Variants in GNAQ observed in about 807,000 individuals in gnomAD.
The protein encoded by GNAQ is G protein subunit alpha q.
Under a neutral mutation model 43.9 loss-of-function variants are expected in GNAQ, and 8 were observed. The observed-to-expected ratio is 0.18, with a 90% CI of 0.11 to 0.33. The LOEUF (loss-of-function observed/expected upper bound fraction) is 0.33. GNAQ is among the 10% of genes least tolerant of loss of function. The pLI, the probability that GNAQ is intolerant of heterozygous loss-of-function variation, is 1.00. For synonymous variants in GNAQ, 155 were observed against 170.7 expected (o/e 0.91, Z 0.71); for missense variants, 158 against 450.8 (o/e 0.35, Z 5.88).
intron 5 of GNAQ, among the ~76,000 whole-genome samples, chr9:77,765,254 C>A (rs1302364297): frequency 6.6e-6 from 1 of 152,126 alleles, no homozygotes; most frequent in Non-Finnish European, 1.5e-5. Context: ...ATATGAGAAT[C>A]TATCTTCTTA....
chr9:77,817,059 C>T (rs1827027907), intron 2 of GNAQ, among the ~76,000 whole-genome samples: 1 of 152,122 alleles, frequency 6.6e-6, no homozygotes, highest in Non-Finnish European at 1.5e-5. Flanking sequence ...ATCCCTGTAG[C>T]TGCTTTCTGT....
chr9:77,919,653 A>T (rs1828966710), intron 2 of GNAQ, among the ~76,000 whole-genome samples: 1 of 152,102 alleles, frequency 6.6e-6, no homozygotes, highest in African/African-American at 2.4e-5. Flanking sequence ...AAAGAAACAA[A>T]CGTGAAAGTC....
intron 5 of GNAQ, among the ~76,000 whole-genome samples, chr9:77,778,511 G>A (rs889414189): frequency 2.6e-5 from 4 of 151,668 alleles, no homozygotes; most frequent in Non-Finnish European, 4.4e-5. Context: ...GAGAGTGGAA[G>A]ACAAAAATAG....
intron 1 of GNAQ, among the ~76,000 whole-genome samples, chr9:77,998,102 A>C (rs1452304952): frequency 6.6e-6 from 1 of 152,186 alleles, no homozygotes; most frequent in Non-Finnish European, 1.5e-5. Context: ...GCGAGGGCCC[A>C]GGACCAGAGC....
chr9:77,753,558 A>T (rs1257304244), intron 5 of GNAQ, among the ~76,000 whole-genome samples: 1 of 152,230 alleles, frequency 6.6e-6, no homozygotes, highest in Admixed American at 6.5e-5. Context: ...AGAGTCAAGG[A>T]TGTCTGAAAT....
chr9:77,940,543 C>T (rs149620205), intron 1 of GNAQ, among the ~76,000 whole-genome samples: 2 of 152,298 alleles, frequency 1.3e-5, no homozygotes, highest in Non-Finnish European at 2.9e-5. Flanking sequence ...CACACCACTG[C>T]ACTCCAGCCT....
intron 1 of GNAQ, among the ~76,000 whole-genome samples, chr9:77,965,943 C>A (rs1489239177): frequency 4.0e-5 from 6 of 151,786 alleles, no homozygotes; most frequent in Non-Finnish European, 8.8e-5. Flanking sequence ...AAGTCTCCAT[C>A]AGTAGATGAA....
At chr9:78,030,574 C>G (rs1219146366) in intron 1 of GNAQ, 2 of 470,088 alleles carry the variant, frequency 4.3e-6, no homozygotes. Context: ...TCCCTCCTGA[C>G]CCCATAGGGC....
At chr9:77,982,568 T>G (rs1168389556) in intron 1 of GNAQ, among the ~76,000 whole-genome samples, 2 of 152,112 alleles carry the variant, frequency 1.3e-5, no homozygotes, top group East Asian at 1.9e-4. Context: ...CATTAGCCTA[T>G]TCTGAGAAGT....
intron 5 of GNAQ, among the ~76,000 whole-genome samples, chr9:77,734,485 T>G (rs1825544603): frequency 6.8e-6 from 1 of 148,088 alleles, no homozygotes; most frequent in South Asian, 2.2e-4. Flanking sequence ...CAGAATGTCA[T>G]GAGGGCATTC....
chr9:77,855,658 C>T (rs2117951370), intron 2 of GNAQ, among the ~76,000 whole-genome samples: 1 of 152,048 alleles, frequency 6.6e-6, no homozygotes, highest in South Asian at 2.1e-4. Context: ...TGCCATCACT[C>T]ATGTTAATCT....
intron 2 of GNAQ, among the ~76,000 whole-genome samples, chr9:77,867,337 C>G (rs903536394): frequency 1.3e-5 from 2 of 152,140 alleles, no homozygotes; most frequent in Non-Finnish European, 1.5e-5. Context: ...CCCCAAATTA[C>G]TGTTTTCCTT....
At chr9:77,850,625 T>C (rs1827660455) in intron 2 of GNAQ, among the ~76,000 whole-genome samples, 4 of 152,162 alleles carry the variant, frequency 2.6e-5, no homozygotes, top group Admixed American at 2.6e-4. Context: ...CCTCTAGAAC[T>C]TCCTAGCCTC....
In GNAQ at chr9:78,030,907, G is replaced by GTGTGTGTC. The variant is rs1554736251; in HGVS notation, c.136+192_136+193insGACACACA. ...TGTCGCTGTGTGTGTGTGTGTGTGT[G>GTGTGTGTC]TGTGTGTGTGTGTCTGTGTGTAACG... On this transcript the variant is annotated intron_variant, in intron 1 of 6. Coordinates refer to ENST00000286548, the MANE Select transcript of GNAQ (RefSeq NM_002072.5). 7.3e-3 allele frequency among the ~76,000 whole-genome samples: 1,106 copies of GTGTGTGTC among 151,540 alleles called. 10 individuals carry two copies. Among genetic ancestry groups the GTGTGTGTC allele is most frequent in the African/African-American group, 0.025 (1,049 of 41,352 alleles).
chr9:77,747,966 A>G (rs889870965), intron 5 of GNAQ, among the ~76,000 whole-genome samples: 7 of 152,212 alleles, frequency 4.6e-5, no homozygotes, highest in Admixed American at 3.3e-4. Context: ...AATTGGTGAC[A>G]TCATCCATGT....
chr9:78,019,843 G>C (rs1823884775), intron 1 of GNAQ, among the ~76,000 whole-genome samples: 1 of 145,372 alleles, frequency 6.9e-6, no homozygotes. Flanking sequence ...AGAATCACTT[G>C]AACCTGGGAG....
intron 2 of GNAQ, among the ~76,000 whole-genome samples, chr9:77,882,112 C>T (rs537200272): frequency 9.2e-5 from 14 of 151,516 alleles, no homozygotes; most frequent in Non-Finnish European, 1.5e-4. Flanking sequence ...CACTCCAGCC[C>T]GGGAGACAGA....
At chr9:77,938,184 A>C (rs1377834948) in intron 1 of GNAQ, among the ~76,000 whole-genome samples, 1 of 152,172 alleles carries the variant, frequency 6.6e-6, no homozygotes, top group Non-Finnish European at 1.5e-5. Flanking sequence ...TAGTTGTTAT[A>C]CTGTATTGTT....
chr9:77,968,906 G>A (rs1365724650), intron 1 of GNAQ, among the ~76,000 whole-genome samples: 1 of 152,192 alleles, frequency 6.6e-6, no homozygotes, highest in East Asian at 1.9e-4. Context: ...AGAGAGTCTG[G>A]GGGAAGTGAT....
Sources: allele counts gnomAD v4.1 joint callset (sites outside exome capture counted in the v4.1 genomes callset), GRCh38; gene constraint gnomAD v4.1.1; transcripts MANE v1.5; gene names NCBI Gene and HGNC (gene_info 2026-07-23, HGNC 2026-07-21).